Variants in RPS6KC1 observed in about 807,000 individuals in gnomAD.
RPS6KC1 encodes inactive ribosomal protein S6 kinase delta-1.
In RPS6KC1, 54 loss-of-function variants were observed where a neutral mutation model predicts 103.8. The observed-to-expected ratio is 0.52, with a 90% CI of 0.42 to 0.65. The LOEUF (loss-of-function observed/expected upper bound fraction) is 0.65. RPS6KC1 is among the 30% of genes least tolerant of loss of function. The pLI is 0.00. For missense variants in RPS6KC1, 1,151 were observed against 1,253.8 expected (o/e 0.92, Z 1.24); for synonymous variants, 439 against 438.7 (o/e 1.00, Z -0.01).
the RPS6KC1 span, among the ~76,000 whole-genome samples, chr1:213,627,630 G>A: frequency 2.6e-5 from 4 of 152,200 alleles, no homozygotes; most frequent in Non-Finnish European, 2.9e-5. Context: ...TTTTTAGCAT[G>A]AAGGGCTGTT....
At chr1:213,381,060 T>A in the RPS6KC1 span, among the ~76,000 whole-genome samples, 2 of 152,178 alleles carry the variant, frequency 1.3e-5, no homozygotes, top group African/African-American at 4.8e-5. Context: ...ACTGCTTTCT[T>A]AACGATTGGC....
the RPS6KC1 span, among the ~76,000 whole-genome samples, chr1:213,415,633 A>AC: frequency 6.6e-6 from 1 of 152,136 alleles, no homozygotes; most frequent in Non-Finnish European, 1.5e-5. Context: ...GGTAGAGTTG[A>AC]CCTTGAGAGG....
At chr1:213,258,481 T>C (rs2094704122) in intron 12 of RPS6KC1, among the ~76,000 whole-genome samples, 1 of 152,202 alleles carries the variant, frequency 6.6e-6, no homozygotes, top group Non-Finnish European at 1.5e-5. Flanking sequence ...TAGCTTCACA[T>C]AATTTAACAG....
At chr1:213,296,252 C>T in the RPS6KC1 span, among the ~76,000 whole-genome samples, 13 of 152,166 alleles carry the variant, frequency 8.5e-5, no homozygotes, top group East Asian at 1.9e-4. Flanking sequence ...GAATGGCTCA[C>T]GATTGGCCCT....
rs2078819191 is a variant in RPS6KC1 at position 213,071,016 on chromosome 1, G to A, written c.116G>A (p.Arg39Gln). The A allele has an allele frequency of 6.5e-7, 1 of 1,544,088 alleles. No individual in the cohort carries two copies. The change falls in exon 2 of 15, where the codon CGA (arginine) becomes CAA (glutamine). Residue 39 changes from arginine to glutamine, a missense_variant. Physicochemically the swap from Arg to Gln is conservative, Grantham distance 43. Around this residue, in one of 3 missense-constraint regions of RPS6KC1, gnomAD observed 959 missense variants for 1,006.3 expected, o/e 0.95. Coordinates refer to ENST00000366960, the MANE Select transcript of RPS6KC1 (RefSeq NM_012424.6). ...TATGTTTTGTTTTAGGTTGTTTCAC[G>A]AAGAAATCCAGAGGATGTCCAGGAG... ...VYKVTARVVSRRNPEDVQEII... is the reference protein window; with the variant it reads ...VYKVTARVVSQRNPEDVQEII...
the RPS6KC1 span, among the ~76,000 whole-genome samples, chr1:213,422,121 A>G: frequency 6.6e-6 from 1 of 152,124 alleles, no homozygotes; most frequent in Non-Finnish European, 1.5e-5. Context: ...CAGCTCCAGA[A>G]TTTTTTCATC....
the RPS6KC1 span, among the ~76,000 whole-genome samples, chr1:213,591,005 C>T: frequency 6.6e-4 from 100 of 152,300 alleles, no homozygotes; most frequent in Admixed American, 1.1e-3. Context: ...TGATGCTTCT[C>T]CTCTCCCCTG....
chr1:213,470,697 G>A, the RPS6KC1 span, among the ~76,000 whole-genome samples: 15 of 143,336 alleles, frequency 1.0e-4, no homozygotes, highest in Non-Finnish European at 1.8e-4. Context: ...GTAGAATGCT[G>A]CATGCTTTGA....
chr1:213,629,935 G>A, the RPS6KC1 span, among the ~76,000 whole-genome samples: 1 of 152,280 alleles, frequency 6.6e-6, no homozygotes, highest in Admixed American at 6.5e-5. Context: ...GGCTTGTACA[G>A]TTTCTGCCGA....
At chr1:213,295,754 A>G in the RPS6KC1 span, among the ~76,000 whole-genome samples, 1 of 152,190 alleles carries the variant, frequency 6.6e-6, no homozygotes, top group Non-Finnish European at 1.5e-5. Flanking sequence ...ATAAGGATAT[A>G]TTGTCCAGTG....
chr1:213,180,686 T>C (rs913644843), intron 8 of RPS6KC1, among the ~76,000 whole-genome samples: 2 of 152,270 alleles, frequency 1.3e-5, no homozygotes, highest in East Asian at 1.9e-4. Flanking sequence ...TCTGATGGGA[T>C]GAGGAGGATG....
intron 8 of RPS6KC1, among the ~76,000 whole-genome samples, chr1:213,227,584 T>C (rs1178795653): frequency 2.0e-5 from 3 of 152,172 alleles, no homozygotes; most frequent in Non-Finnish European, 4.4e-5. Flanking sequence ...TTGGCTGAAT[T>C]CTGTTCTTTT....
chr1:213,606,853 C>A, the RPS6KC1 span, among the ~76,000 whole-genome samples: 1 of 152,216 alleles, frequency 6.6e-6, no homozygotes, highest in South Asian at 2.1e-4. Context: ...AGGATAAGAA[C>A]TGATATTACT....
chr1:213,560,818 A>T, the RPS6KC1 span, among the ~76,000 whole-genome samples: 1 of 152,322 alleles, frequency 6.6e-6, no homozygotes, highest in East Asian at 1.9e-4. Context: ...TTTGTGTCAC[A>T]GTTGGGGGAA....
At chr1:213,343,394 T>C in the RPS6KC1 span, among the ~76,000 whole-genome samples, 2 of 3,578 alleles carry the variant, frequency 5.6e-4, no homozygotes, top group Non-Finnish European at 7.4e-4. Context: ...GTTGTGTGTA[T>C]ATATATATAT....
chr1:213,131,451 T>G (rs938223758), intron 6 of RPS6KC1, among the ~76,000 whole-genome samples: 102 of 13,020 alleles, frequency 7.8e-3, no homozygotes, highest in African/African-American at 1.2e-3. Flanking sequence ...AATGTTAGGT[T>G]TTTTTTTTTT....
chr1:213,831,716 T>A, the RPS6KC1 span, among the ~76,000 whole-genome samples: 2 of 152,220 alleles, frequency 1.3e-5, no homozygotes, highest in Non-Finnish European at 2.9e-5. Flanking sequence ...ATCTGTCTTC[T>A]TATCTCTAAG....
At chr1:213,857,335 C>T in the RPS6KC1 span, among the ~76,000 whole-genome samples, 1 of 152,214 alleles carries the variant, frequency 6.6e-6, no homozygotes, top group Non-Finnish European at 1.5e-5. Flanking sequence ...TACAAGTTCT[C>T]TACCAGGGCA....
At chr1:213,673,487 A>G in the RPS6KC1 span, among the ~76,000 whole-genome samples, 1 of 152,210 alleles carries the variant, frequency 6.6e-6, no homozygotes, top group Non-Finnish European at 1.5e-5. Flanking sequence ...GTTTCACTCC[A>G]CAACTTGAAG....
Sources: allele counts gnomAD v4.1 joint callset (sites outside exome capture counted in the v4.1 genomes callset), GRCh38; gene constraint gnomAD v4.1.1; regional missense constraint gnomAD v4.1.1; transcripts MANE v1.5; gene names NCBI Gene and HGNC (gene_info 2026-07-23, HGNC 2026-07-21).